Variants in HK1 observed in about 807,000 individuals in gnomAD.
HK1 encodes the protein hexokinase 1, also known as hexokinase-1.
A neutral mutation model predicts 91.6 loss-of-function variants in HK1; 28 were observed. The observed-to-expected ratio is 0.31, with a 90% CI of 0.23 to 0.42. HK1 has a LOEUF of 0.42. Among genes scored for constraint, HK1 ranks in the 10% least tolerant of loss-of-function variants. HK1 has a pLI of 1.00. For synonymous variants in HK1, 430 were observed against 468.1 expected (o/e 0.92, Z 1.05); for missense variants, 770 against 1,219.8 (o/e 0.63, Z 5.49).
chr10:69,394,051 C>A (rs1840031296), intron 15 of HK1, among the ~76,000 whole-genome samples: 1 of 152,196 alleles, frequency 6.6e-6, no homozygotes, highest in Non-Finnish European at 1.5e-5. Context: ...GTGGCCCACC[C>A]CTCTGTGATT....
intron 12 of HK1, 120 bp downstream of exon 12, chr10:69,385,035 A>G: frequency 9.1e-7 from 1 of 1,104,900 alleles, no homozygotes; most frequent in Non-Finnish European, 1.4e-6. Flanking sequence ...AGTCACAGTC[A>G]CAGTGGGTTG....
At chr10:69,281,132 G>C (rs1844724563) in intron 1 of HK1, among the ~76,000 whole-genome samples, 1 of 152,172 alleles carries the variant, frequency 6.6e-6, no homozygotes, top group South Asian at 2.1e-4. Context: ...ATGATTGTAG[G>C]CATCTAAAAT....
chr10:69,295,881 G>C (rs898446364), intron 4 of HK1, among the ~76,000 whole-genome samples: 2 of 152,130 alleles, frequency 1.3e-5, no homozygotes, highest in Admixed American at 6.5e-5. Flanking sequence ...CTTTCCAAGG[G>C]TGCCTAGTAA....
At chr10:69,381,307 T>C (rs570495241) in intron 9 of HK1, among the ~76,000 whole-genome samples, 12 of 152,086 alleles carry the variant, frequency 7.9e-5, no homozygotes, top group African/African-American at 2.9e-4. Context: ...GAGAGAGAAA[T>C]AGTTTTGTGT....
At chr10:69,305,100 G>C (rs1172204665) in intron 5 of HK1, among the ~76,000 whole-genome samples, 1 of 152,144 alleles carries the variant, frequency 6.6e-6, no homozygotes, top group Non-Finnish European at 1.5e-5. Flanking sequence ...CGTTCTCCCT[G>C]TGTGTCCCAA....
At position 69,304,376 on chromosome 10, in the gene HK1, C is replaced by T. The variant is rs192499861; in HGVS notation, c.27+3515C>T. On this transcript the variant is annotated intron_variant, in intron 5 of 21. Coordinates refer to the HK1 transcript ENST00000360289. Reference sequence around the variant, plus strand: ...AGAATGGAGAGCAGTGGCCCAGTCTCGGCTCACTGCAACCTCTGCCTCCTG... The same window carrying T: ...AGAATGGAGAGCAGTGGCCCAGTCTTGGCTCACTGCAACCTCTGCCTCCTG... Among the ~76,000 whole-genome samples, 510 of 151,884 alleles carry T rather than the reference C, an allele frequency of 3.4e-3. 4 individuals are homozygous for T. Among genetic ancestry groups the T allele is most frequent in the African/African-American group, 0.012 (478 of 41,414 alleles).
At chr10:69,276,119 ATACATATAT>A (rs1267700292) in intron 1 of HK1, among the ~76,000 whole-genome samples, 1 of 15,882 alleles carries the variant, frequency 6.3e-5, no homozygotes, top group African/African-American at 2.6e-4. Context: ...AAAAAAAAAA[ATACATATAT>A]ATATATATAT....
chr10:69,346,853 AG>A (rs1309068271), intron 2 of HK1, among the ~76,000 whole-genome samples: 1 of 152,152 alleles, frequency 6.6e-6, no homozygotes, highest in Non-Finnish European at 1.5e-5. Context: ...CCCTCTTCAA[AG>A]CTACTGTAGG....
intron 9 of HK1, 77 bp from the exon 10 acceptor site, chr10:69,382,410 A>G: frequency 1.4e-6 from 2 of 1,421,802 alleles, no homozygotes; most frequent in Admixed American, 1.7e-5. Flanking sequence ...TAAAGAGTGG[A>G]GAAAGAAAGG....
chr10:69,345,077 C>T (rs1848481052), intron 2 of HK1, among the ~76,000 whole-genome samples: 1 of 152,062 alleles, frequency 6.6e-6, no homozygotes. Context: ...AACTGATGTT[C>T]TTGAAAGATG....
intron 4 of HK1, chr10:69,300,448 AT>A: frequency 2.5e-6 from 2 of 805,386 alleles, no homozygotes; most frequent in Non-Finnish European, 4.0e-6. Flanking sequence ...GAATCCCAGG[AT>A]TTTCCTTCCT....
intron 5 of HK1, among the ~76,000 whole-genome samples, chr10:69,303,323 A>G (rs558722136): frequency 1.3e-5 from 2 of 152,126 alleles, no homozygotes; most frequent in Non-Finnish European, 2.9e-5. Flanking sequence ...AATAACACAC[A>G]TGTATTATCT....
intron 4 of HK1, among the ~76,000 whole-genome samples, chr10:69,298,259 G>A (rs10762281): frequency 0.55 from 83,093 of 151,536 alleles, 24,796 homozygotes; most frequent in Non-Finnish European, 0.68. Context: ...GTAGTCTTAC[G>A]TATCATGTTA....
intron 1 of HK1, among the ~76,000 whole-genome samples, chr10:69,341,098 T>C (rs983717248): frequency 3.3e-5 from 5 of 152,016 alleles, no homozygotes; most frequent in African/African-American, 7.3e-5. Context: ...ATGGCTTGTC[T>C]CTCCTCCCAG....
chr10:69,309,339 G>T (rs536628340), intron 5 of HK1, among the ~76,000 whole-genome samples: 1 of 150,122 alleles, frequency 6.7e-6, no homozygotes, highest in Non-Finnish European at 1.5e-5. Context: ...CCGCCACCAC[G>T]CCCGGCTAAT....
intron 3 of HK1, among the ~76,000 whole-genome samples, chr10:69,364,140 G>T (rs984304855): frequency 6.6e-6 from 1 of 152,210 alleles, no homozygotes; most frequent in Admixed American, 6.5e-5. Flanking sequence ...GACTGCAGGG[G>T]CAGAAGGGGG....
At chr10:69,292,436 G>C (rs911473141) in intron 3 of HK1, 1 of 381,932 alleles carries the variant, frequency 2.6e-6, no homozygotes, top group Admixed American at 3.2e-5. Context: ...CCCTCCAGGG[G>C]AGATACACAC....
At chr10:69,389,652 C>A (rs973108295) in intron 14 of HK1, among the ~76,000 whole-genome samples, 9 of 151,290 alleles carry the variant, frequency 5.9e-5, no homozygotes, top group African/African-American at 1.9e-4. Context: ...TATGGAGGGG[C>A]TCTGGTCAGG....
At chr10:69,274,363 C>T (rs535924648) in intron 1 of HK1, among the ~76,000 whole-genome samples, 72 of 152,076 alleles carry the variant, frequency 4.7e-4, no homozygotes, top group African/African-American at 1.7e-3. Context: ...TTTGGGAGGC[C>T]AAAGCAGGTA....
Sources: gnomAD v4.1 joint callset for allele counts (sites outside exome capture counted in the v4.1 genomes callset) on GRCh38, gnomAD v4.1.1 for gene constraint, MANE v1.5 for transcripts, NCBI Gene and HGNC (gene_info 2026-07-23, HGNC 2026-07-21) for gene names.